Variants in NMBR observed in about 807,000 individuals in gnomAD.
NMBR encodes the protein neuromedin-B receptor.
Under a neutral mutation model 20.5 loss-of-function variants are expected in NMBR, and 16 were observed. That is an observed-to-expected ratio of 0.78 (90% CI 0.53 to 1.19). The LOEUF (loss-of-function observed/expected upper bound fraction) is 1.19. NMBR is among the 50% of genes most tolerant of loss of function. NMBR has a pLI of 0.00. For missense variants in NMBR, 582 were observed against 499.1 expected (o/e 1.17, Z -1.58); for synonymous variants, 212 against 196.6 (o/e 1.08, Z -0.65).
At chr6:142,106,284 T>C (rs1390837372) in intron 1 of NMBR, among the ~76,000 whole-genome samples, 1 of 152,150 alleles carries the variant, frequency 6.6e-6, no homozygotes, top group Non-Finnish European at 1.5e-5. Flanking sequence ...GGGGCTCTAT[T>C]GGGCTTGATT....
intron 1 of NMBR, among the ~76,000 whole-genome samples, chr6:142,130,245 G>C (rs1448084703): frequency 6.6e-6 from 1 of 151,868 alleles, no homozygotes; most frequent in East Asian, 1.9e-4. Context: ...AAGAGACCTA[G>C]AGATGAGTTT....
Position 142,126,250 on chromosome 6 carries a change from C to CCT in NMBR, c.-664+20792_-664+20793dup, listed in dbSNP as rs145085633. Among the ~76,000 whole-genome samples the CCT allele has an allele frequency of 4.4e-4, 65 of 146,868 alleles. 1 individual carries two copies. The highest frequency in any genetic ancestry group is 7.7e-4 in the Non-Finnish European group (51 of 66,172). ...CCTCCTTTAAGGGCTTAACAATATT[C>CCT]CTCTCTCTCTCTGTGTGTGTGTGTG... On this transcript the variant is annotated intron_variant, in intron 1 of 3. Transcript: ENST00000258042.
At chr6:142,081,722 T>C (rs567942808) in intron 2 of NMBR, among the ~76,000 whole-genome samples, 1 of 152,328 alleles carries the variant, frequency 6.6e-6, no homozygotes, top group East Asian at 1.9e-4. Flanking sequence ...ACATGTTTTA[T>C]TATGCTTCCT....
At chr6:142,134,224 T>C (rs1174383237) in intron 1 of NMBR, among the ~76,000 whole-genome samples, 5 of 152,154 alleles carry the variant, frequency 3.3e-5, no homozygotes, top group African/African-American at 1.2e-4. Flanking sequence ...AATTCTGGCA[T>C]TTTATTATCT....
chr6:142,088,517 A>T lies in NMBR; in HGVS notation c.142T>A (p.Ser48Thr), dbSNP rs148515360. The T allele has an allele frequency of 2.2e-5, 35 of 1,613,892 alleles. No homozygotes were observed. In the African/African-American group the frequency reaches 4.1e-4, roughly 19 times the overall value. ...TELVIRCVIP[S>T]LYLLIITVGL... ...ACGGTGATGATGAGCAGGTAGAGGGACGGGATCACACAGCGGATCACCAAC... is the reference window on the plus strand; with the variant it reads ...ACGGTGATGATGAGCAGGTAGAGGGTCGGGATCACACAGCGGATCACCAAC... The change falls in exon 2 of 4, where the codon TCC becomes ACC. Residue 48 changes from serine to threonine, a missense_variant. Coordinates refer to ENST00000258042, the MANE Select transcript of NMBR (RefSeq NM_002511.4).
At chr6:142,116,452 C>T (rs192545045) in intron 1 of NMBR, among the ~76,000 whole-genome samples, 2 of 151,894 alleles carry the variant, frequency 1.3e-5, no homozygotes, top group South Asian at 4.2e-4. Flanking sequence ...TTAGGAAGAA[C>T]TCAAGGATAA....
At chr6:142,134,170 T>G (rs954565643) in intron 1 of NMBR, 3 of 496,276 alleles carry the variant, frequency 6.0e-6, no homozygotes, top group Non-Finnish European at 1.1e-5. Flanking sequence ...TTTCTTTAAT[T>G]AGCTGTATAT....
At chr6:142,104,124 T>C (rs917735610) in intron 1 of NMBR, among the ~76,000 whole-genome samples, 1 of 152,200 alleles carries the variant, frequency 6.6e-6, no homozygotes, top group Admixed American at 6.5e-5. Flanking sequence ...GGTATTCTCC[T>C]GTCCTTGCCT....
intron 1 of NMBR, among the ~76,000 whole-genome samples, chr6:142,115,986 C>A (rs1265907137): frequency 6.6e-6 from 1 of 151,838 alleles, no homozygotes; most frequent in Non-Finnish European, 1.5e-5. Context: ...GTCTTTCCTG[C>A]ACTGTTCTCT....
intron 2 of NMBR, among the ~76,000 whole-genome samples, chr6:142,083,638 T>C (rs1777143287): frequency 6.6e-6 from 1 of 151,940 alleles, no homozygotes; most frequent in South Asian, 2.1e-4. Flanking sequence ...AGTGAGTGAG[T>C]TCTCATGAGA....
At chr6:142,082,252 G>T (rs1226418454) in intron 2 of NMBR, among the ~76,000 whole-genome samples, 1 of 152,166 alleles carries the variant, frequency 6.6e-6, no homozygotes, top group Non-Finnish European at 1.5e-5. Context: ...GAAAGGTCTT[G>T]CTCACTGTTA....
intron 2 of NMBR, 135 bp downstream of exon 2, chr6:142,088,102 C>T (rs1231459130): frequency 2.6e-6 from 2 of 779,910 alleles, no homozygotes; most frequent in African/African-American, 3.5e-5. Flanking sequence ...CAGGTACACA[C>T]TCTCTCCCTC....
chr6:142,133,736 G>C (rs1455444040), intron 1 of NMBR: 1 of 519,616 alleles, frequency 1.9e-6, no homozygotes, highest in East Asian at 2.9e-5. Context: ...GGGTCTATTT[G>C]GCTTCAAAAC....
chr6:142,132,061 T>C (rs1046733392), intron 1 of NMBR, among the ~76,000 whole-genome samples: 4 of 152,202 alleles, frequency 2.6e-5, no homozygotes, highest in Non-Finnish European at 5.9e-5. Flanking sequence ...AAGTTGTCCA[T>C]GTTTATTTGT....
In NMBR at chr6:142,075,661, T is replaced by C. The variant is rs1411665624; in HGVS notation, c.1160A>G (p.Glu387Gly). The C allele has an allele frequency of 3.7e-6, 6 of 1,608,124 alleles. No homozygotes were observed. Among genetic ancestry groups the C allele is most frequent in the Non-Finnish European group, 5.1e-6 (6 of 1,176,666 alleles). Residue 387 changes from glutamate to glycine, a missense_variant, in exon 4 of 4, where the codon GAA becomes GGA. Physicochemically the swap from Glu to Gly is moderately conservative, Grantham distance 98 (BLOSUM62 -2). Coordinates refer to ENST00000258042, the MANE Select transcript of NMBR (RefSeq NM_002511.4). Reference sequence around the variant, plus strand: ...GAATGGCCAAAATCACAGTGCCATTTCCTGCTTCATGCTGTGCCCATTTAG... The same window carrying C: ...GAATGGCCAAAATCACAGTGCCATTCCCTGCTTCATGCTGTGCCCATTTAG... The part of the protein sequence containing the change: ...VLLNGHSMKQ[E>G]MAL
intron 1 of NMBR, among the ~76,000 whole-genome samples, chr6:142,102,510 C>G (rs960755440): frequency 3.3e-5 from 5 of 152,014 alleles, no homozygotes; most frequent in Non-Finnish European, 5.9e-5. Flanking sequence ...GTACAAGCAA[C>G]TGCACAGATA....
intron 1 of NMBR, among the ~76,000 whole-genome samples, chr6:142,118,215 T>C (rs952901359): frequency 5.9e-5 from 9 of 151,978 alleles, no homozygotes; most frequent in Non-Finnish European, 1.5e-5. Context: ...TGATTGGAAA[T>C]AACATAAAAA....
At chr6:142,090,364 A>G (rs1258532766) in intron 1 of NMBR, among the ~76,000 whole-genome samples, 1 of 152,050 alleles carries the variant, frequency 6.6e-6, no homozygotes, top group Non-Finnish European at 1.5e-5. Flanking sequence ...AAATTAAGCA[A>G]CTTTTCCAGA....
chr6:142,087,245 G>A (rs1777216663), intron 2 of NMBR, among the ~76,000 whole-genome samples: 1 of 152,088 alleles, frequency 6.6e-6, no homozygotes, highest in African/African-American at 2.4e-5. Context: ...TTTTTCATTA[G>A]CAATTGAATA....
Sources: allele counts gnomAD v4.1 joint callset (sites outside exome capture counted in the v4.1 genomes callset), GRCh38; gene constraint gnomAD v4.1.1; transcripts MANE v1.5; gene names NCBI Gene and HGNC (gene_info 2026-07-23, HGNC 2026-07-21).